Variants in ROR1 observed in about 807,000 individuals in gnomAD.
ROR1 encodes inactive tyrosine-protein kinase transmembrane receptor ROR1.
Under a neutral mutation model 78.8 loss-of-function variants are expected in ROR1, and 19 were observed. That is an observed-to-expected ratio of 0.24 (90% CI 0.17 to 0.35). The LOEUF is 0.35. Ranked by LOEUF, ROR1 falls within the 10% of genes least tolerant of loss-of-function variation. The pLI, the probability that ROR1 is intolerant of heterozygous loss-of-function variation, is 1.00. For missense variants in ROR1, 917 were observed against 1,177.8 expected (o/e 0.78, Z 3.24); for synonymous variants, 386 against 433.6 (o/e 0.89, Z 1.36).
chr1:63,791,377 T>C (rs746520807), intron 1 of ROR1, among the ~76,000 whole-genome samples: 20 of 152,226 alleles, frequency 1.3e-4, no homozygotes, highest in Middle Eastern at 3.4e-3. Flanking sequence ...AAAATATGTC[T>C]GGGAGGCACT....
rs762594909 is a variant in ROR1 at position 64,137,503 on chromosome 1, A to G, written c.610+7A>G. On this transcript the variant is annotated splice_region_variant and intron_variant, in intron 5 of 8. Transcript: ENST00000371079. ...ATAGAAAATCAGATCACAGGTAGGT[A>G]GCACCAATGAAATTATATTTGTCCC... 9 of 1,608,298 alleles carry G rather than the reference A, an allele frequency of 5.6e-6. No homozygotes were observed. The East Asian group carries it at 1.8e-4, about 32-fold the overall frequency.
intron 4 of ROR1, among the ~76,000 whole-genome samples, chr1:64,116,176 T>G (rs2100681163): frequency 6.6e-6 from 1 of 152,344 alleles, no homozygotes; most frequent in East Asian, 1.9e-4. Context: ...AGTTAATCCA[T>G]GCTCTTCTAT....
rs569742441 is a variant in ROR1 at position 63,930,754 on chromosome 1, T to G, written c.92-78551T>G. 3.3e-5 allele frequency among the ~76,000 whole-genome samples: 5 copies of G among 152,356 alleles called. No homozygotes were observed. The East Asian group carries it at 9.6e-4, about 29-fold the overall frequency. The stretch of plus-strand genomic sequence containing the variant: ...ATTAATGACTCCTCAAATGCAGATT[T>G]AGATAGCAATATGTGAAGTGGTTAC... On this transcript the variant is annotated intron_variant, in intron 1 of 8. Transcript: ENST00000371079.
At chr1:64,141,434 G>C (rs935026467) in intron 6 of ROR1, among the ~76,000 whole-genome samples, 4 of 152,124 alleles carry the variant, frequency 2.6e-5, no homozygotes, top group Middle Eastern at 3.4e-3. Context: ...AGTACCACGG[G>C]GGGTTTGTGC....
chr1:64,149,228 T>A (rs1649555726), intron 7 of ROR1, among the ~76,000 whole-genome samples: 1 of 152,154 alleles, frequency 6.6e-6, no homozygotes, highest in Admixed American at 6.5e-5. Flanking sequence ...AAAGGTGTCA[T>A]CTCCATTTTC....
intron 2 of ROR1, among the ~76,000 whole-genome samples, chr1:64,045,859 T>C (rs1646779092): frequency 6.6e-6 from 1 of 152,168 alleles, no homozygotes; most frequent in South Asian, 2.1e-4. Context: ...ACTGGAACTT[T>C]TCCCTTAAGC....
intron 1 of ROR1, among the ~76,000 whole-genome samples, chr1:63,927,956 T>TC (rs377471870): frequency 0.12 from 8,525 of 69,016 alleles, 359 homozygotes; most frequent in Non-Finnish European, 0.21. Context: ...TGTAAGGGGT[T>TC]CCCTTTTTTT....
chr1:63,821,831 GCCCAGCTAT>G (rs1435965139), intron 1 of ROR1, among the ~76,000 whole-genome samples: 1 of 152,176 alleles, frequency 6.6e-6, no homozygotes, highest in Non-Finnish European at 1.5e-5. Context: ...AGTGACTTAA[GCCCAGCTAT>G]TCATGAAATA....
chr1:63,900,993 G>T (rs1351299947), intron 1 of ROR1, among the ~76,000 whole-genome samples: 1 of 152,090 alleles, frequency 6.6e-6, no homozygotes, highest in Non-Finnish European at 1.5e-5. Context: ...TTACCGTCAT[G>T]TTACAGGTGA....
intron 1 of ROR1, among the ~76,000 whole-genome samples, chr1:63,787,206 G>A (rs1461132688): frequency 6.6e-6 from 1 of 152,100 alleles, no homozygotes; most frequent in African/African-American, 2.4e-5. Context: ...ATCCAGGAAG[G>A]CACCCTGGCC....
intron 1 of ROR1, among the ~76,000 whole-genome samples, chr1:63,838,418 A>C (rs751729838): frequency 2.0e-5 from 3 of 152,036 alleles, no homozygotes; most frequent in Non-Finnish European, 4.4e-5. Flanking sequence ...GGTGGAAGAC[A>C]GTGATATTGA....
intron 1 of ROR1, among the ~76,000 whole-genome samples, chr1:63,782,839 G>A (rs1644660911): frequency 3.3e-5 from 5 of 152,104 alleles, no homozygotes; most frequent in Admixed American, 3.3e-4. Context: ...CCTTTTAGGG[G>A]CAGTAAAATA....
Position 63,978,496 on chromosome 1 carries a change from G to A in ROR1, c.92-30809G>A, listed in dbSNP as rs568418405. Among the ~76,000 whole-genome samples the A allele has an allele frequency of 2.6e-5, 4 of 152,126 alleles. No individual in the cohort carries two copies. The East Asian group carries it at 7.7e-4, about 29-fold the overall frequency. On this transcript the variant is annotated intron_variant, in intron 1 of 8. Transcript: ENST00000371079. ...TATGGGCTGGGATCACATTTATTTT[G>A]TAGATTATTCTGTCTGCAATTCCCA...
chr1:64,087,042 C>T (rs1647160694), intron 4 of ROR1, among the ~76,000 whole-genome samples: 1 of 152,082 alleles, frequency 6.6e-6, no homozygotes, highest in African/African-American at 2.4e-5. Context: ...GGAATCTTTG[C>T]CCACCTGAAA....
intron 1 of ROR1, among the ~76,000 whole-genome samples, chr1:63,947,832 C>T (rs912849049): frequency 6.6e-6 from 1 of 152,188 alleles, no homozygotes; most frequent in Non-Finnish European, 1.5e-5. Flanking sequence ...CTATCCTCCA[C>T]CCTTTAGGAT....
intron 1 of ROR1, among the ~76,000 whole-genome samples, chr1:63,803,448 A>G (rs1440323578): frequency 6.6e-6 from 1 of 151,948 alleles, no homozygotes; most frequent in East Asian, 1.9e-4. Context: ...GGTTCAAGCA[A>G]TTCTCCTGCC....
At chr1:63,802,684 T>G (rs1054265085) in intron 1 of ROR1, among the ~76,000 whole-genome samples, 2 of 152,230 alleles carry the variant, frequency 1.3e-5, no homozygotes, top group African/African-American at 4.8e-5. Context: ...TATTTAGATA[T>G]TTATAATTTT....
At chr1:64,093,990 G>A (rs1223880301) in intron 4 of ROR1, among the ~76,000 whole-genome samples, 1 of 152,122 alleles carries the variant, frequency 6.6e-6, no homozygotes, top group Non-Finnish European at 1.5e-5. Flanking sequence ...GCCAGAAGTG[G>A]CAGAACTTAC....
chr1:64,102,160 G>A (rs1297865011), intron 4 of ROR1, among the ~76,000 whole-genome samples: 1 of 152,140 alleles, frequency 6.6e-6, no homozygotes, highest in Non-Finnish European at 1.5e-5. Flanking sequence ...ACTAGAAGTA[G>A]GTAGCAGAAC....
Sources: allele counts gnomAD v4.1 joint callset (sites outside exome capture counted in the v4.1 genomes callset), GRCh38; gene constraint gnomAD v4.1.1; transcripts MANE v1.5; gene names NCBI Gene and HGNC (gene_info 2026-07-23, HGNC 2026-07-21).